CYREN: variants seen among roughly 807,000 people sequenced by gnomAD.
CYREN encodes the protein cell cycle regulator of NHEJ.
In CYREN, 7 loss-of-function variants were observed where a neutral mutation model predicts 9.7. That is an observed-to-expected ratio of 0.72 (90% confidence interval 0.41 to 1.36). The LOEUF (loss-of-function observed/expected upper bound fraction) is 1.36, where lower values mean the gene tolerates loss of function less well. Among genes scored for constraint, CYREN ranks in the 40% most tolerant of loss-of-function variants. The pLI is 0.01. For synonymous variants in CYREN, 76 were observed against 77.9 expected (o/e 0.98, Z 0.13); for missense variants, 215 against 198.1 (o/e 1.09, Z -0.51).
chr7:135,093,138 A>G (rs1214112498), exon 3 of CYREN: 2 of 151,076 alleles, frequency 1.3e-5, no homozygotes, highest in Non-Finnish European at 3.0e-5. Flanking sequence ...AGACAGGGAT[A>G]TTCACTCTCA....
At chr7:135,116,813 C>T (rs1311568442) in intron 2 of CYREN, among the ~76,000 whole-genome samples, 1 of 152,180 alleles carries the variant, frequency 6.6e-6, no homozygotes, top group Admixed American at 6.5e-5. Flanking sequence ...TATTGCCTAA[C>T]ATTTTCTATA....
At chr7:135,168,754 T>G (rs575940294) in intron 2 of CYREN, 32 bp downstream of exon 2, 26 of 1,606,532 alleles carry the variant, frequency 1.6e-5, no homozygotes, top group Non-Finnish European at 2.0e-5. Flanking sequence ...CTTGCCAGAT[T>G]CGCAGGAGTC....
At chr7:135,171,252 G>A (rs1436742328), upstream of CYREN, among the ~76,000 whole-genome samples, 3 of 151,876 alleles carry the variant, frequency 2.0e-5, no homozygotes, top group African/African-American at 4.8e-5. Flanking sequence ...TCAGCCCTCC[G>A]AAAGTTAAAG....
chr7:135,155,771 A>G (rs989991082), intron 2 of CYREN, among the ~76,000 whole-genome samples: 1 of 152,248 alleles, frequency 6.6e-6, no homozygotes, highest in African/African-American at 2.4e-5. Flanking sequence ...AGATTGCTTG[A>G]GCCCACGAGG....
chr7:135,134,728 G>T, intron 2 of CYREN: 1 of 989,862 alleles, frequency 1.0e-6, no homozygotes, highest in Non-Finnish European at 1.4e-6. Context: ...TAAACTTTAA[G>T]AAGTTATGAA....
chr7:135,140,269 A>T (rs1829428719), intron 2 of CYREN, among the ~76,000 whole-genome samples: 1 of 151,900 alleles, frequency 6.6e-6, no homozygotes, highest in Admixed American at 6.6e-5. Context: ...CATTGTAGAC[A>T]TCTTTCACGT....
At chr7:135,133,635 G>T (rs1160702442) in intron 2 of CYREN, among the ~76,000 whole-genome samples, 2 of 152,128 alleles carry the variant, frequency 1.3e-5, no homozygotes, top group Non-Finnish European at 2.9e-5. Flanking sequence ...TTGCTCCACT[G>T]ATTTTGATAG....
chr7:135,162,777 C>G (rs2117468743), downstream of CYREN, among the ~76,000 whole-genome samples: 1 of 152,334 alleles, frequency 6.6e-6, no homozygotes, highest in Non-Finnish European at 1.5e-5. Flanking sequence ...TCAGCCGAAA[C>G]TTATCCCATA....
At chr7:135,172,178 TTTGACTTGGC>T (rs1444644092), upstream of CYREN, among the ~76,000 whole-genome samples, 4 of 152,242 alleles carry the variant, frequency 2.6e-5, no homozygotes, top group African/African-American at 9.6e-5. Flanking sequence ...TTGTTCTGGT[TTTGACTTGGC>T]TTGACTTGGT....
chr7:135,167,462 A>G, intron 3 of CYREN: 1 of 1,329,680 alleles, frequency 7.5e-7, no homozygotes, highest in South Asian at 1.9e-5. Context: ...CATACACACC[A>G]GTGCACAGTC....
At chr7:135,133,651 T>A (rs1276952556) in intron 2 of CYREN, among the ~76,000 whole-genome samples, 1 of 152,122 alleles carries the variant, frequency 6.6e-6, no homozygotes, top group African/African-American at 2.4e-5. Context: ...GATAGGGAAT[T>A]CAAAAGCAAT....
intron 2 of CYREN, among the ~76,000 whole-genome samples, chr7:135,117,198 T>C (rs146413498): frequency 6.6e-6 from 1 of 151,918 alleles, no homozygotes; most frequent in Non-Finnish European, 1.5e-5. Context: ...ATTTTCATCA[T>C]TACCAAATGG....
chr7:135,157,624 G>A (rs1446017879), intron 2 of CYREN, among the ~76,000 whole-genome samples: 1 of 152,242 alleles, frequency 6.6e-6, no homozygotes, highest in East Asian at 1.9e-4. Context: ...CCCTGAGCAG[G>A]TGGTGTCATG....
chr7:135,116,822 T>C (rs769627064), intron 2 of CYREN, among the ~76,000 whole-genome samples: 1 of 152,214 alleles, frequency 6.6e-6, no homozygotes, highest in Non-Finnish European at 1.5e-5. Context: ...ACATTTTCTA[T>C]ATCAGTAGGC....
At chr7:135,121,810 A>G (rs1038677223) in intron 2 of CYREN, among the ~76,000 whole-genome samples, 2 of 152,052 alleles carry the variant, frequency 1.3e-5, no homozygotes, top group African/African-American at 4.8e-5. Context: ...AGGGCAGGAG[A>G]GCACCCCCCT....
chr7:135,108,595 A>G (rs990716041), intron 2 of CYREN, among the ~76,000 whole-genome samples: 18 of 152,084 alleles, frequency 1.2e-4, no homozygotes, highest in African/African-American at 4.3e-4. Flanking sequence ...TTCCCTTTGT[A>G]GGTGACCTGC....
chr7:135,167,311 T>C (rs1585370919), intron 3 of CYREN: 1 of 1,069,814 alleles, frequency 9.3e-7, no homozygotes. Flanking sequence ...TGTGCAACTC[T>C]GAGGCACTGC....
At chr7:135,164,260 CAGG>C, downstream of CYREN, among the ~76,000 whole-genome samples, 1 of 152,286 alleles carries the variant, frequency 6.6e-6, no homozygotes, top group Middle Eastern at 3.4e-3. Context: ...TAGGTCCTGG[CAGG>C]AGGTTACCTC....
At chr7:135,132,126 T>G (rs1263498282) in intron 2 of CYREN, among the ~76,000 whole-genome samples, 1 of 152,200 alleles carries the variant, frequency 6.6e-6, no homozygotes, top group East Asian at 1.9e-4. Flanking sequence ...TCTATACAAT[T>G]TCTTCCAGAA....
Sources: allele counts gnomAD v4.1 joint callset (sites outside exome capture counted in the v4.1 genomes callset), GRCh38; gene constraint gnomAD v4.1.1; transcripts MANE v1.5; gene names NCBI Gene and HGNC (gene_info 2026-07-23, HGNC 2026-07-21).